C1QTNF3: variants seen among roughly 807,000 people sequenced by gnomAD.
C1QTNF3 encodes complement C1q tumor necrosis factor-related protein 3.
In C1QTNF3, 26 loss-of-function variants were observed where a neutral mutation model predicts 32.6. That is an observed-to-expected ratio of 0.80 (90% CI 0.58 to 1.11). The LOEUF (loss-of-function observed/expected upper bound fraction) is 1.11, where lower values mean the gene tolerates loss of function less well. C1QTNF3 is among the 50% of genes least tolerant of loss of function. The pLI, the probability that C1QTNF3 is intolerant of heterozygous loss-of-function variation, is 0.00. For synonymous variants in C1QTNF3, 155 were observed against 146.0 expected (o/e 1.06, Z -0.44); for missense variants, 362 against 398.2 (o/e 0.91, Z 0.77).
intron 3 of C1QTNF3, among the ~76,000 whole-genome samples, chr5:34,031,117 CT>C (rs1433068965): frequency 2.0e-4 from 30 of 151,658 alleles, no homozygotes; most frequent in Middle Eastern, 3.4e-3. Flanking sequence ...AAAAGAAAAG[CT>C]TTTGCTTAAA....
the C1QTNF3 span, among the ~76,000 whole-genome samples, chr5:34,198,196 G>A: frequency 6.9e-6 from 1 of 144,458 alleles, no homozygotes; most frequent in South Asian, 2.2e-4. Context: ...GAGCTGACAT[G>A]GCACCACTGC....
chr5:34,202,110 G>A, the C1QTNF3 span, among the ~76,000 whole-genome samples: 6 of 152,128 alleles, frequency 3.9e-5, no homozygotes, highest in East Asian at 1.9e-4. Flanking sequence ...GCAAACAATC[G>A]GTAAGTGGTC....
chr5:34,094,249 G>A, the C1QTNF3 span, among the ~76,000 whole-genome samples: 1 of 152,018 alleles, frequency 6.6e-6, no homozygotes, highest in Admixed American at 6.6e-5. Flanking sequence ...CTGTCTGCTA[G>A]CAAAAACAAC....
At chr5:34,081,405 A>T in the C1QTNF3 span, among the ~76,000 whole-genome samples, 13 of 151,698 alleles carry the variant, frequency 8.6e-5, no homozygotes, top group Non-Finnish European at 1.5e-4. Flanking sequence ...TTGAATCCAA[A>T]ATTCTAAATG....
chr5:34,154,307 T>C, the C1QTNF3 span, among the ~76,000 whole-genome samples: 12 of 152,180 alleles, frequency 7.9e-5, no homozygotes, highest in Non-Finnish European at 1.5e-4. Flanking sequence ...TGTGTATTTA[T>C]TTATTCAATC....
the C1QTNF3 span, among the ~76,000 whole-genome samples, chr5:34,136,461 C>T: frequency 9.8e-5 from 15 of 152,302 alleles, no homozygotes; most frequent in Admixed American, 2.6e-4. Flanking sequence ...TACCATCTCA[C>T]GCCAGTTAGA....
At chr5:34,178,062 T>C in the C1QTNF3 span, among the ~76,000 whole-genome samples, 1 of 139,358 alleles carries the variant, frequency 7.2e-6, no homozygotes, top group Non-Finnish European at 1.5e-5. Context: ...AGGTCAAAAG[T>C]TCAAGACCAG....
the C1QTNF3 span, among the ~76,000 whole-genome samples, chr5:34,157,032 C>T: frequency 6.6e-6 from 1 of 152,146 alleles, no homozygotes; most frequent in Non-Finnish European, 1.5e-5. Context: ...CAAATCAAAA[C>T]TTTAGAGTTT....
chr5:34,139,436 T>C, the C1QTNF3 span, among the ~76,000 whole-genome samples: 35 of 152,208 alleles, frequency 2.3e-4, no homozygotes, highest in Middle Eastern at 3.4e-3. Flanking sequence ...ATTAGTAGAA[T>C]CCCTAAATTA....
the C1QTNF3 span, chr5:34,124,073 A>G: frequency 5.4e-6 from 1 of 185,078 alleles, no homozygotes; most frequent in Admixed American, 5.6e-5. Flanking sequence ...ATGTATAGGT[A>G]CTTTAATGTC....
chr5:34,053,848 A>T, the C1QTNF3 span, among the ~76,000 whole-genome samples: 2 of 152,240 alleles, frequency 1.3e-5, no homozygotes, highest in Non-Finnish European at 2.9e-5. Context: ...TATGGGTGAC[A>T]TATTGTGTAT....
the C1QTNF3 span, chr5:34,218,346 C>T: frequency 4.6e-5 from 7 of 150,832 alleles, no homozygotes; most frequent in Admixed American, 4.6e-4. Context: ...CTATCCATCA[C>T]CTGATGTGAA....
chr5:34,137,167 C>T, the C1QTNF3 span, among the ~76,000 whole-genome samples: 1 of 148,390 alleles, frequency 6.7e-6, no homozygotes, highest in African/African-American at 2.5e-5. Context: ...AAAAAAGTGA[C>T]TTCCCCTAGT....
chr5:34,237,745 A>G, the C1QTNF3 span, among the ~76,000 whole-genome samples: 2 of 152,120 alleles, frequency 1.3e-5, no homozygotes, highest in Non-Finnish European at 2.9e-5. Context: ...CCCAAACACT[A>G]CAGCTAGTTC....
the C1QTNF3 span, among the ~76,000 whole-genome samples, chr5:34,074,210 G>A: frequency 3.4e-5 from 5 of 148,764 alleles, no homozygotes; most frequent in East Asian, 1.9e-4. Flanking sequence ...TTGAATTCAC[G>A]TGTCTACAAG....
the C1QTNF3 span, among the ~76,000 whole-genome samples, chr5:34,220,660 T>C: frequency 6.6e-6 from 1 of 152,104 alleles, no homozygotes; most frequent in Non-Finnish European, 1.5e-5. Flanking sequence ...TTTCTTTCAC[T>C]TCTATCGTTG....
At chr5:34,141,121 C>T in the C1QTNF3 span, among the ~76,000 whole-genome samples, 1,079 of 151,640 alleles carry the variant, frequency 7.1e-3, 15 homozygotes, top group African/African-American at 0.025. Context: ...GGGTTGACTC[C>T]TTCTTCTTTT....
the C1QTNF3 span, among the ~76,000 whole-genome samples, chr5:34,057,659 C>G: frequency 6.6e-6 from 1 of 152,076 alleles, no homozygotes; most frequent in Non-Finnish European, 1.5e-5. Flanking sequence ...TAGCAAAAAC[C>G]CTTTACTACA....
the C1QTNF3 span, among the ~76,000 whole-genome samples, chr5:34,085,833 T>G: frequency 4.6e-5 from 7 of 151,740 alleles, no homozygotes; most frequent in African/African-American, 1.7e-4. Context: ...ACTTTTACAC[T>G]GTTGGTGGGA....
Sources: allele counts gnomAD v4.1 joint callset (sites outside exome capture counted in the v4.1 genomes callset), GRCh38; gene constraint gnomAD v4.1.1; transcripts MANE v1.5; gene names NCBI Gene and HGNC (gene_info 2026-07-23, HGNC 2026-07-21).